SOX5: variants seen among roughly 807,000 people sequenced by gnomAD.
SOX5 encodes the protein transcription factor SOX-5.
A neutral mutation model predicts 92.0 loss-of-function variants in SOX5; 9 were observed. The observed-to-expected ratio is 0.10, with a 90% CI of 0.06 to 0.17. The LOEUF (loss-of-function observed/expected upper bound fraction) is 0.17, where lower values mean the gene tolerates loss of function less well. Among genes scored for constraint, SOX5 ranks in the 10% least tolerant of loss-of-function variants. The pLI is 1.00. For missense variants in SOX5, 642 were observed against 944.5 expected, an observed-to-expected ratio of 0.68 and a Z score of 4.20; for synonymous variants, 344 against 336.3, an observed-to-expected ratio of 1.02 and a Z score of -0.25.
At chr12:24,429,486 C>T (rs998511758) in intron 1 of SOX5, among the ~76,000 whole-genome samples, 3 of 151,860 alleles carry the variant, frequency 2.0e-5, no homozygotes, top group African/African-American at 7.3e-5. Flanking sequence ...TCGATTTCAA[C>T]ATTTCTCAGA....
intron 4 of SOX5, among the ~76,000 whole-genome samples, chr12:24,204,224 C>T (rs1363110884): frequency 6.6e-6 from 1 of 152,026 alleles, no homozygotes; most frequent in African/African-American, 2.4e-5. Context: ...GCCTCCTCTG[C>T]ATGAACATTT....
intron 8 of SOX5, among the ~76,000 whole-genome samples, chr12:23,629,418 C>T (rs1432834810): frequency 1.3e-5 from 2 of 151,944 alleles, no homozygotes; most frequent in Non-Finnish European, 2.9e-5. Context: ...ATTCCGGGCA[C>T]CCTTTTGTTA....
rs1056367838 is a variant in SOX5, at chr12:24,508,063, G to C, written c.-251+54266C>G. ...GGGTGGAAGGCAAGGTTGCACAAGG[G>C]AGGGCCAGGTTGCAGCAGCCTCAAG... On this transcript the variant is annotated intron_variant, in intron 1 of 4. Transcript: ENST00000446891. Among the ~76,000 whole-genome samples the C allele has an allele frequency of 1.1e-3, 166 of 152,294 alleles. 2 individuals are homozygous for C. Among genetic ancestry groups the C allele is most frequent in the Non-Finnish European group, 1.5e-4 (10 of 68,022 alleles).
At position 23,567,700 on chromosome 12, in the gene SOX5, C is replaced by A. The variant is rs573791228; in HGVS notation, c.1343-4297G>T. On this transcript the variant is annotated intron_variant, in intron 10 of 14. Coordinates refer to ENST00000451604, the MANE Select transcript of SOX5 (RefSeq NM_006940.6). ...AGAACTCCTGGATTCACACAATTCTCCTGCCTTGGCCTCCCAAAGTGCTAG... is the reference window on the plus strand; with the variant it reads ...AGAACTCCTGGATTCACACAATTCTACTGCCTTGGCCTCCCAAAGTGCTAG... Among the ~76,000 whole-genome samples the A allele has an allele frequency of 7.8e-4, 118 of 152,138 alleles. No homozygotes were observed. The Middle Eastern group carries it at 0.014, about 18-fold the overall frequency.
At chr12:23,810,665 T>C (rs2095861098) in intron 3 of SOX5, among the ~76,000 whole-genome samples, 1 of 152,168 alleles carries the variant, frequency 6.6e-6, no homozygotes, top group East Asian at 1.9e-4. Flanking sequence ...ACCTTTTTGA[T>C]GGAGGTGGGG....
intron 3 of SOX5, among the ~76,000 whole-genome samples, chr12:24,266,880 A>G (rs1382551775): frequency 6.6e-6 from 1 of 152,182 alleles, no homozygotes; most frequent in Non-Finnish European, 1.5e-5. Context: ...TTTGGTGATT[A>G]TCACCTTTGG....
intron 1 of SOX5, among the ~76,000 whole-genome samples, chr12:24,529,100 G>A (rs1291733747): frequency 6.6e-6 from 1 of 152,182 alleles, no homozygotes; most frequent in Non-Finnish European, 1.5e-5. Flanking sequence ...AGGTCAGAAG[G>A]AAGGTGCCAT....
At chr12:24,243,265 C>T (rs1445610392) in intron 3 of SOX5, among the ~76,000 whole-genome samples, 3 of 152,054 alleles carry the variant, frequency 2.0e-5, no homozygotes, top group African/African-American at 7.2e-5. Flanking sequence ...ACAATTTTAA[C>T]AATCAAAATT....
At chr12:24,138,670 T>C (rs1426456828) in intron 4 of SOX5, among the ~76,000 whole-genome samples, 1 of 152,218 alleles carries the variant, frequency 6.6e-6, no homozygotes, top group Non-Finnish European at 1.5e-5. Context: ...GCATATTTAT[T>C]CTTAAAAATT....
intron 3 of SOX5, among the ~76,000 whole-genome samples, chr12:23,832,856 CA>C (rs1377309943): frequency 6.6e-6 from 1 of 150,984 alleles, no homozygotes; most frequent in Non-Finnish European, 1.5e-5. Context: ...ATGCAAAATT[CA>C]AGAACCAAAA....
At chr12:23,919,916 G>C (rs2097464656) in intron 1 of SOX5, 1 of 152,170 alleles carries the variant, frequency 6.6e-6, no homozygotes, top group Non-Finnish European at 1.5e-5. Flanking sequence ...GAAAAATACA[G>C]AGTCCAAAAT....
Position 23,735,798 on chromosome 12 carries a change from G to A in SOX5, c.742-1046C>T, listed in dbSNP as rs191819692. ...ACTTACCACTCTCACTGTTATTTGTGTTTACTTCTACATTTACTTCTACAT... is the reference window on the plus strand; with the variant it reads ...ACTTACCACTCTCACTGTTATTTGTATTTACTTCTACATTTACTTCTACAT... On this transcript the variant is annotated intron_variant, in intron 5 of 14. Transcript: ENST00000451604. Among the ~76,000 whole-genome samples the A allele has an allele frequency of 2.0e-3, 304 of 152,182 alleles. 4 individuals are homozygous for A. Among genetic ancestry groups the A allele is most frequent in the Middle Eastern group, 3.4e-3 (1 of 294 alleles).
At chr12:23,799,031 C>A (rs2095614978) in intron 3 of SOX5, among the ~76,000 whole-genome samples, 1 of 151,918 alleles carries the variant, frequency 6.6e-6, no homozygotes, top group Non-Finnish European at 1.5e-5. Flanking sequence ...CTTCTTCCCT[C>A]CTGCTCAACA....
intron 3 of SOX5, among the ~76,000 whole-genome samples, chr12:24,256,817 G>A (rs925428858): frequency 2.0e-5 from 3 of 152,082 alleles, no homozygotes; most frequent in Non-Finnish European, 2.9e-5. Flanking sequence ...CAGTTACCCC[G>A]TTATTGTCAT....
At chr12:24,444,270 ATGTGTGTG>A (rs56206607) in intron 1 of SOX5, among the ~76,000 whole-genome samples, 288 of 149,232 alleles carry the variant, frequency 1.9e-3, no homozygotes, top group Admixed American at 3.7e-3. Context: ...AGGCCACTGA[ATGTGTGTG>A]TGTGTGTGTG....
At chr12:23,957,730 C>G (rs1438424535) in intron 4 of SOX5, among the ~76,000 whole-genome samples, 1 of 152,038 alleles carries the variant, frequency 6.6e-6, no homozygotes, top group South Asian at 2.1e-4. Flanking sequence ...GAAAATAATT[C>G]AGAAGGACTA....
intron 8 of SOX5, among the ~76,000 whole-genome samples, chr12:23,605,362 C>T (rs2075109902): frequency 6.6e-6 from 1 of 151,018 alleles, no homozygotes; most frequent in Non-Finnish European, 1.5e-5. Context: ...TTAATTATTA[C>T]TCTTTTCATT....
intron 1 of SOX5, among the ~76,000 whole-genome samples, chr12:24,441,409 T>G (rs190497120): frequency 3.9e-5 from 6 of 152,316 alleles, no homozygotes; most frequent in Admixed American, 3.3e-4. Flanking sequence ...TGACTCTCCT[T>G]AAGTATGTGC....
At chr12:23,689,282 T>A (rs1451600307) in intron 6 of SOX5, among the ~76,000 whole-genome samples, 3 of 151,270 alleles carry the variant, frequency 2.0e-5, no homozygotes, top group Non-Finnish European at 4.4e-5. Flanking sequence ...CTTAATTAGA[T>A]TTTTTTGTTG....
Sources: gnomAD v4.1 joint callset for allele counts (sites outside exome capture counted in the v4.1 genomes callset) on GRCh38, gnomAD v4.1.1 for gene constraint, MANE v1.5 for transcripts, NCBI Gene and HGNC (gene_info 2026-07-23, HGNC 2026-07-21) for gene names.